Variants in PRDM1 observed in about 807,000 individuals in gnomAD.
PRDM1 encodes the protein PR domain zinc finger protein 1.
In PRDM1, 13 loss-of-function variants were observed where a neutral mutation model predicts 62.8. The ratio of observed to expected loss-of-function variants is 0.21; its 90% CI spans 0.13 to 0.33. PRDM1 has a LOEUF of 0.33. Among genes scored for constraint, PRDM1 ranks in the 10% least tolerant of loss-of-function variants. PRDM1 has a pLI of 1.00. For missense variants in PRDM1, 895 were observed against 1,058.8 expected, an observed-to-expected ratio of 0.85 and a Z score of 2.15; for synonymous variants, 396 against 417.6, an observed-to-expected ratio of 0.95 and a Z score of 0.63.
upstream of PRDM1, among the ~76,000 whole-genome samples, chr6:106,044,190 C>G (rs939267326): frequency 7.2e-6 from 1 of 138,192 alleles, no homozygotes; most frequent in Non-Finnish European, 1.6e-5. Flanking sequence ...TCCTTTTTTT[C>G]TTTCTTTTTT....
Position 106,106,650 on chromosome 6 carries a change from C to T in PRDM1, c.1902+151C>T, listed in dbSNP as rs1032544092. 3.4e-5 allele frequency: 41 copies of T among 1,202,948 alleles called. No individual in the cohort carries two copies. Among genetic ancestry groups the T allele is most frequent in the Non-Finnish European group, 4.3e-5 (38 of 874,780 alleles). 74.5% of individuals were successfully genotyped at this position (1,202,948 alleles called of 1,614,324 possible). A position where few individuals can be genotyped will look rare whatever the true frequency, so the allele number is the denominator to read the frequency against. ...GATGGCACTATGGTCCTTCCCAGTACTTTGTATCTGCTGATGACTTGAGAT... is the reference window on the plus strand; with the variant it reads ...GATGGCACTATGGTCCTTCCCAGTATTTTGTATCTGCTGATGACTTGAGAT... On this transcript the variant is annotated intron_variant, in intron 6 of 6. Transcript: ENST00000369096. This position sits in a 1 kb window ranked among gnomAD's most constrained non-coding sequence, Gnocchi z 4.4.
intron 1 of PRDM1, among the ~76,000 whole-genome samples, chr6:106,061,154 G>A (rs934078899): frequency 1.0e-3 from 159 of 151,692 alleles, no homozygotes; most frequent in African/African-American, 3.4e-3. Flanking sequence ...CGGACTGAGT[G>A]CCTTCCAGCA....
chr6:106,099,308 C>T lies in PRDM1; in HGVS notation c.420C>T (p.Ser140=). ...ANRKYFWRIY[S]RGELHHFIDG... The stretch of plus-strand genomic sequence containing the variant: ...TCTTCTCTTTTGGACAGATCTATTC[C>T]AGAGGGGAGCTTCACCACTTCATTG... Residue 140 remains serine, a synonymous_variant, in exon 4 of 7, where the codon TCC becomes TCT. Transcript: ENST00000369096. 3 of 1,614,068 alleles carry T rather than the reference C, an allele frequency of 1.9e-6. No individual in the cohort carries two copies. In the South Asian group the frequency reaches 3.3e-5, roughly 18 times the overall value.
intron 1 of PRDM1, among the ~76,000 whole-genome samples, chr6:106,080,572 A>G (rs981624404): frequency 2.0e-5 from 3 of 152,228 alleles, no homozygotes; most frequent in African/African-American, 7.2e-5. Context: ...TCATCCCTGA[A>G]TGCGAGAGCC....
At position 106,107,526 on chromosome 6, in the gene PRDM1, C is replaced by T; in HGVS notation, c.*40C>T. On this transcript the variant is annotated 3_prime_UTR_variant, in exon 7 of 7. Transcript: ENST00000369096. ...ACTTATTTTGTTTCTTAAGTTATGA[C>T]TTGGTGAGTCAGGGTGCCTGTAGGA... 1.3e-6 allele frequency: 2 copies of T among 1,529,770 alleles called. No homozygotes were observed. The highest frequency in any genetic ancestry group is 8.8e-7 in the Non-Finnish European group (1 of 1,131,174). The allele number at this position is 1,529,770 out of a possible 1,614,324, so 94.8% of individuals were successfully genotyped here.
At chr6:106,037,615 C>G (rs1480698944) in intron 1 of PRDM1, among the ~76,000 whole-genome samples, 1 of 151,938 alleles carries the variant, frequency 6.6e-6, no homozygotes, top group Non-Finnish European at 1.5e-5. Context: ...TGATTTTTTT[C>G]TTCTGCCTGC....
Position 105,998,916 on chromosome 6 carries a change from TATATATATATATATA to T in PRDM1, c.-67+5278_-67+5292del, listed in dbSNP as rs1678302843. On this transcript the variant is annotated intron_variant, in intron 1 of 6. Coordinates refer to the PRDM1 transcript ENST00000652320. ...ATATATATATATATATATATATATA[TATATATATATATATA>T]TATTTTTTTTTTTTTTTTTCTTTTG... Among the ~76,000 whole-genome samples the T allele has an allele frequency of 5.5e-3, 16 of 2,892 alleles. 1 individual carries two copies. Among genetic ancestry groups the T allele is most frequent in the African/African-American group, 0.014 (9 of 658 alleles). 1.9% of individuals were successfully genotyped at this position (2,892 alleles called of 152,430 possible). A position where few individuals can be genotyped will look rare whatever the true frequency, so the allele number is the denominator to read the frequency against.
chr6:106,035,882 G>A (rs1650049394), intron 1 of PRDM1, among the ~76,000 whole-genome samples: 1 of 152,052 alleles, frequency 6.6e-6, no homozygotes, highest in South Asian at 2.1e-4. Context: ...AATTACTGAT[G>A]AAGTGAGACT....
chr6:106,065,583 C>T (rs1773420420), intron 1 of PRDM1, among the ~76,000 whole-genome samples: 1 of 152,226 alleles, frequency 6.6e-6, no homozygotes, highest in African/African-American at 2.4e-5. Context: ...AAAAGGGCTA[C>T]ACTTTTGGCA....
At chr6:106,050,449 T>C (rs1245686951) in intron 1 of PRDM1, among the ~76,000 whole-genome samples, 4 of 152,230 alleles carry the variant, frequency 2.6e-5, no homozygotes, top group Non-Finnish European at 5.9e-5. Context: ...ACTTAGGAAT[T>C]GTTTTTTTTG....
intron 1 of PRDM1, among the ~76,000 whole-genome samples, chr6:106,014,324 C>T (rs1221141728): frequency 1.3e-5 from 2 of 151,596 alleles, no homozygotes; most frequent in Non-Finnish European, 2.9e-5. Flanking sequence ...CCTCCCAAAG[C>T]GCTGGGATTA....
At chr6:106,075,720 T>C (rs1336223274) in intron 1 of PRDM1, among the ~76,000 whole-genome samples, 5 of 152,188 alleles carry the variant, frequency 3.3e-5, no homozygotes, top group Non-Finnish European at 5.9e-5. Context: ...CAAGCTTCTT[T>C]TTCTTTCTCT....
At chr6:105,999,332 G>A (rs545090498) in intron 1 of PRDM1, among the ~76,000 whole-genome samples, 1 of 151,288 alleles carries the variant, frequency 6.6e-6, no homozygotes, top group African/African-American at 2.4e-5. Flanking sequence ...AAGGTGGGAG[G>A]ATCACTTGAG....
At chr6:106,038,106 T>C (rs2114573115) in intron 1 of PRDM1, among the ~76,000 whole-genome samples, 1 of 142,094 alleles carries the variant, frequency 7.0e-6, no homozygotes, top group Non-Finnish European at 1.5e-5. Context: ...AACCTCTGCC[T>C]CCCGGGTAGC....
chr6:105,993,568 A>G (rs557658410), exon 1 of PRDM1, among the ~76,000 whole-genome samples: 2 of 152,232 alleles, frequency 1.3e-5, no homozygotes, highest in Non-Finnish European at 2.9e-5. Flanking sequence ...TCCTGCTTCG[A>G]AGTCTTCAGG....
chr6:106,022,181 A>C (rs1236617555), intron 1 of PRDM1, among the ~76,000 whole-genome samples: 1 of 152,250 alleles, frequency 6.6e-6, no homozygotes, highest in African/African-American at 2.4e-5. Flanking sequence ...GTGAGATTCC[A>C]TGCAAATCTT....
At chr6:106,092,922 A>C (rs1012919622) in intron 2 of PRDM1, among the ~76,000 whole-genome samples, 1 of 152,142 alleles carries the variant, frequency 6.6e-6, no homozygotes, top group African/African-American at 2.4e-5. Flanking sequence ...TATAGGTGTG[A>C]GTTTATATGT....
chr6:106,006,147 G>A (rs1364982990), intron 1 of PRDM1, among the ~76,000 whole-genome samples: 1 of 152,334 alleles, frequency 6.6e-6, no homozygotes, highest in East Asian at 1.9e-4. Flanking sequence ...GGGGACAGCA[G>A]GAACTTGTTT....
intron 1 of PRDM1, among the ~76,000 whole-genome samples, chr6:106,033,508 A>G (rs1234938901): frequency 6.6e-6 from 1 of 151,848 alleles, no homozygotes; most frequent in African/African-American, 2.4e-5. Flanking sequence ...AAGAGATGAG[A>G]TCTTGGTCTG....
Sources: allele counts gnomAD v4.1 joint callset (sites outside exome capture counted in the v4.1 genomes callset), GRCh38; gene constraint gnomAD v4.1.1; non-coding constraint Gnocchi (gnomAD v3.1); transcripts MANE v1.5; gene names NCBI Gene and HGNC (gene_info 2026-07-23, HGNC 2026-07-21).